Variants in PDSS1 observed in about 807,000 individuals in gnomAD.
PDSS1 encodes the protein decaprenyl diphosphate synthase subunit 1.
A neutral mutation model predicts 57.5 loss-of-function variants in PDSS1; 43 were observed. The observed-to-expected ratio is 0.75, with a 90% CI of 0.59 to 0.96. The LOEUF is 0.96. Ranked by LOEUF, PDSS1 falls within the 50% of genes least tolerant of loss-of-function variation. The pLI is 0.00. For synonymous variants in PDSS1, 175 were observed against 191.3 expected (o/e 0.91, Z 0.70); for missense variants, 438 against 527.8 (o/e 0.83, Z 1.67).
At chr10:26,701,776 G>A (rs551880110) in intron 1 of PDSS1, 213 of 453,868 alleles carry the variant, frequency 4.7e-4, no homozygotes, top group Non-Finnish European at 7.5e-4. Flanking sequence ...GCCTAATGGA[G>A]CTGTGAAAGG....
chr10:26,701,238 G>A (rs1835043446), intron 1 of PDSS1, among the ~76,000 whole-genome samples: 1 of 152,232 alleles, frequency 6.6e-6, no homozygotes, highest in Non-Finnish European at 1.5e-5. Flanking sequence ...GCCTGAAGAT[G>A]TGATAGAAAA....
At chr10:26,715,926 G>C (rs1340285297) in intron 5 of PDSS1, 1 of 152,202 alleles carries the variant, frequency 6.6e-6, no homozygotes, top group Admixed American at 6.5e-5. Flanking sequence ...CATCATTTAT[G>C]ATGCAACTTT....
chr10:26,707,230 A>G (rs962811635), intron 4 of PDSS1, among the ~76,000 whole-genome samples: 7 of 152,158 alleles, frequency 4.6e-5, no homozygotes, highest in African/African-American at 1.7e-4. Context: ...AGAAGGACAT[A>G]CACCAATTAA....
chr10:26,699,379 A>G (rs1008394319), intron 1 of PDSS1, among the ~76,000 whole-genome samples: 1 of 147,826 alleles, frequency 6.8e-6, no homozygotes, highest in Non-Finnish European at 1.5e-5. Flanking sequence ...ATGCCACTAC[A>G]TGCTTCTTCT....
Position 26,741,922 on chromosome 10 carries a change from T to C in PDSS1, c.1027-575T>C, listed in dbSNP as rs117039807. On this transcript the variant is annotated intron_variant, in intron 10 of 11. Transcript: ENST00000376215. ...ACGGAGTTTCACTCGTTGTCCAAGG[T>C]AGAGTGCAATGGCGCAATCTCGGCT... Among the ~76,000 whole-genome samples the C allele has an allele frequency of 8.5e-4, 129 of 152,224 alleles. 1 individual carries two copies. The East Asian group carries it at 0.023, about 27-fold the overall frequency.
At chr10:26,719,763 C>T (rs1331799030) in intron 5 of PDSS1, among the ~76,000 whole-genome samples, 2 of 152,058 alleles carry the variant, frequency 1.3e-5, no homozygotes, top group Admixed American at 6.6e-5. Context: ...GAGACCCTGT[C>T]TCAAAAACAA....
intron 11 of PDSS1, among the ~76,000 whole-genome samples, chr10:26,744,971 C>A (rs1332298283): frequency 6.6e-6 from 1 of 151,784 alleles, no homozygotes; most frequent in African/African-American, 2.4e-5. Context: ...TGAGACCAGC[C>A]TGGCCAACAT....
At chr10:26,701,866 C>T (rs1183201167) in intron 1 of PDSS1, 1 of 454,698 alleles carries the variant, frequency 2.2e-6, no homozygotes, top group Non-Finnish European at 4.4e-6. Flanking sequence ...TGCAGGCACT[C>T]AATGCCAGCC....
At chr10:26,709,318 G>A (rs1408874682) in intron 4 of PDSS1, among the ~76,000 whole-genome samples, 1 of 152,214 alleles carries the variant, frequency 6.6e-6, no homozygotes, top group African/African-American at 2.4e-5. Flanking sequence ...CCAACACTTT[G>A]GGAGGCCGAG....
chr10:26,732,585 G>C (rs186086813), intron 8 of PDSS1, among the ~76,000 whole-genome samples: 1 of 152,178 alleles, frequency 6.6e-6, no homozygotes, highest in African/African-American at 2.4e-5. Context: ...AGGTTCCAGC[G>C]TGTTGGAGCC....
At chr10:26,722,175 G>T (rs1384563590) in intron 6 of PDSS1, among the ~76,000 whole-genome samples, 1 of 152,176 alleles carries the variant, frequency 6.6e-6, no homozygotes. Flanking sequence ...TGATGTAGGG[G>T]CTGGGTCGGG....
intron 8 of PDSS1, among the ~76,000 whole-genome samples, chr10:26,729,121 A>C (rs1032840423): frequency 5.3e-5 from 8 of 152,014 alleles, no homozygotes; most frequent in African/African-American, 1.7e-4. Context: ...TCATTATTTT[A>C]ATACTCAATT....
intron 10 of PDSS1, among the ~76,000 whole-genome samples, chr10:26,739,813 G>C (rs1363906346): frequency 6.6e-6 from 1 of 152,168 alleles, no homozygotes; most frequent in Non-Finnish European, 1.5e-5. Flanking sequence ...ACCAGCCTAG[G>C]CAACAAGGCA....
intron 10 of PDSS1, among the ~76,000 whole-genome samples, chr10:26,741,218 C>T (rs553895142): frequency 1.3e-5 from 2 of 152,302 alleles, no homozygotes; most frequent in South Asian, 2.1e-4. Flanking sequence ...GGCGCGGTGG[C>T]TCACACCTGT....
intron 5 of PDSS1, among the ~76,000 whole-genome samples, chr10:26,717,124 G>T (rs1835608888): frequency 6.6e-6 from 1 of 152,164 alleles, no homozygotes; most frequent in Non-Finnish European, 1.5e-5. Context: ...TCTGAAATAT[G>T]ATGTATATTC....
At position 26,709,786 on chromosome 10, in the gene PDSS1, T is replaced by C; in HGVS notation, c.467+18T>C. 6.2e-7 allele frequency: 1 copy of C among 1,612,680 alleles called. No individual in the cohort carries two copies. Among genetic ancestry groups the C allele is most frequent in the Non-Finnish European group, 8.5e-7 (1 of 1,178,748 alleles). ...AACTCCCGGTGAGCTCTTTTTTTCA[T>C]TCCTTTCTTGTTTTTATATTTGGGA... is the stretch of plus-strand genomic sequence containing the variant. On this transcript the variant is annotated intron_variant, in intron 5 of 11. Transcript: ENST00000376215.
intron 5 of PDSS1, chr10:26,718,134 C>T (rs577919639): frequency 6.6e-6 from 1 of 152,148 alleles, no homozygotes; most frequent in South Asian, 2.1e-4. Context: ...ACCTCCACTT[C>T]CCGGCTCAAG....
chr10:26,738,135 A>G (rs1430321852), intron 10 of PDSS1, among the ~76,000 whole-genome samples: 2 of 152,256 alleles, frequency 1.3e-5, no homozygotes, highest in African/African-American at 4.8e-5. Context: ...AAATGTGTCA[A>G]AAGATATATG....
chr10:26,744,619 C>T (rs75184058), intron 11 of PDSS1, among the ~76,000 whole-genome samples: 2 of 151,790 alleles, frequency 1.3e-5, no homozygotes, highest in African/African-American at 2.4e-5. Flanking sequence ...TCGATCTTGA[C>T]GTCGTGATCC....
Sources: gnomAD v4.1 joint callset for allele counts (sites outside exome capture counted in the v4.1 genomes callset) on GRCh38, gnomAD v4.1.1 for gene constraint, MANE v1.5 for transcripts, NCBI Gene and HGNC (gene_info 2026-07-23, HGNC 2026-07-21) for gene names.